DCBLD2: variants seen among roughly 807,000 people sequenced by gnomAD.
DCBLD2 encodes the protein discoidin, CUB and LCCL domain containing 2.
Under a neutral mutation model 86.8 loss-of-function variants are expected in DCBLD2, and 54 were observed. The observed-to-expected ratio is 0.62, with a 90% CI of 0.50 to 0.78. The LOEUF is 0.78. DCBLD2 is among the 30% of genes least tolerant of loss of function. The probability of loss-of-function intolerance (pLI) is 0.00; values close to 1 mark genes in which losing one functional copy is unlikely to be tolerated. For missense variants in DCBLD2, 908 were observed against 954.2 expected, an observed-to-expected ratio of 0.95 and a Z score of 0.64; for synonymous variants, 354 against 341.3, an observed-to-expected ratio of 1.04 and a Z score of -0.41.
At position 98,899,264 on chromosome 3, in the gene DCBLD2, T is replaced by C. The variant is rs1035261479; in HGVS notation, c.205+1858A>G. On this transcript the variant is annotated intron_variant, in intron 1 of 15. Transcript: ENST00000326840. ...TTAGACTGGCTATTTCTTTTTCTTT[T>C]TTTTTTTTTTTTTTTGAGACAGTCT... Among the ~76,000 whole-genome samples, 29 of 146,242 alleles carry C rather than the reference T, an allele frequency of 2.0e-4. 1 individual carries two copies. Among genetic ancestry groups the C allele is most frequent in the African/African-American group, 6.8e-4 (27 of 39,906 alleles).
intron 3 of DCBLD2, among the ~76,000 whole-genome samples, chr3:98,838,129 TGGTCGGGCGGGGG>T (rs1212345081): frequency 7.8e-6 from 1 of 128,064 alleles, no homozygotes. Flanking sequence ...ATGGGGCGGC[TGGTCGGGCGGGGG>T]GCTGACCCCC....
chr3:98,851,555 AC>A (rs1484270058), intron 2 of DCBLD2, among the ~76,000 whole-genome samples: 1 of 152,220 alleles, frequency 6.6e-6, no homozygotes, highest in African/African-American at 2.4e-5. Flanking sequence ...GCTACCATTG[AC>A]TTTCTTCACA....
rs1305178388 is a variant in DCBLD2, at chr3:98,800,589, A to AGCCT, written c.1844_1847dup (p.Asp617GlyfsTer2). The AGCCT allele has an allele frequency of 6.2e-7, 1 of 1,612,918 alleles. No homozygotes were observed. Among genetic ancestry groups the AGCCT allele is most frequent in the Admixed American group, 1.7e-5 (1 of 59,896 alleles). On this transcript the variant is annotated frameshift_variant, in exon 15 of 16. Transcript: ENST00000326840. LOFTEE classifies it high-confidence loss of function. ...CTGCAACATAGTTACCTGCAGAGTC[A>AGCCT]GCCTGCAGCACTGTGGTGACTTCTC...
At chr3:98,862,551 A>C (rs1028827916) in intron 2 of DCBLD2, among the ~76,000 whole-genome samples, 4 of 152,240 alleles carry the variant, frequency 2.6e-5, no homozygotes, top group African/African-American at 4.8e-5. Context: ...TCTGGGATGC[A>C]AGGCTGGTTG....
At chr3:98,865,597 A>T (rs1943128099) in intron 2 of DCBLD2, among the ~76,000 whole-genome samples, 1 of 152,188 alleles carries the variant, frequency 6.6e-6, no homozygotes, top group African/African-American at 2.4e-5. Context: ...AAGTGTTCTC[A>T]CCACAAAAAC....
chr3:98,885,427 T>C (rs1350340698), intron 1 of DCBLD2, among the ~76,000 whole-genome samples: 1 of 152,098 alleles, frequency 6.6e-6, no homozygotes. Flanking sequence ...TTTTTTTTGC[T>C]TATTCCAAAA....
chr3:98,882,984 G>A (rs1183150189), intron 1 of DCBLD2, among the ~76,000 whole-genome samples: 1 of 152,132 alleles, frequency 6.6e-6, no homozygotes, highest in Non-Finnish European at 1.5e-5. Flanking sequence ...CTAGATCCTT[G>A]AGGAATCGCC....
chr3:98,843,870 T>G (rs1022264941), intron 3 of DCBLD2, among the ~76,000 whole-genome samples: 1 of 152,172 alleles, frequency 6.6e-6, no homozygotes, highest in Non-Finnish European at 1.5e-5. Flanking sequence ...TTTTAAACTA[T>G]TTACTATTTC....
chr3:98,864,832 A>G (rs143598332), intron 2 of DCBLD2, among the ~76,000 whole-genome samples: 2 of 152,334 alleles, frequency 1.3e-5, no homozygotes, highest in African/African-American at 4.8e-5. Flanking sequence ...GTGCACACGT[A>G]TCCTAGAACT....
At position 98,799,466 on chromosome 3, in the gene DCBLD2, G is replaced by C. The variant is rs377651609; in HGVS notation, c.2234C>G (p.Pro745Arg). 2.5e-6 allele frequency: 4 copies of C among 1,614,002 alleles called. No homozygotes were observed. Among genetic ancestry groups the C allele is most frequent in the Non-Finnish European group, 3.4e-6 (4 of 1,179,886 alleles). The change falls in exon 16 of 16, where the codon CCA (proline) becomes CGA (arginine). Residue 745 changes from proline to arginine, a missense_variant. Around this residue, in one of 3 missense-constraint regions of DCBLD2, gnomAD observed 606 missense variants for 678.5 expected, o/e 0.89. Transcript: ENST00000326840. ...PKAGKPGLPA[P>R]DELVYQVPQS... is the part of the protein sequence containing the mutation. ...TGGCACCTGGTACACCAATTCGTCT[G>C]GGGCAGGTAGACCTGGCTTCCCAGC...
chr3:98,900,844 A>C, intron 1 of DCBLD2: 1 of 502,804 alleles, frequency 2.0e-6, no homozygotes, highest in Non-Finnish European at 3.5e-6. Flanking sequence ...AATTTTCCCC[A>C]GAAGGACCTA....
chr3:98,891,932 T>C (rs1943669120), intron 1 of DCBLD2, among the ~76,000 whole-genome samples: 2 of 73,696 alleles, frequency 2.7e-5, no homozygotes, highest in African/African-American at 6.7e-5. Context: ...TGCATATTTA[T>C]GTCAGGTTAC....
At chr3:98,889,541 A>G (rs114054772) in intron 1 of DCBLD2, among the ~76,000 whole-genome samples, 2,083 of 152,192 alleles carry the variant, frequency 0.014, 17 homozygotes, top group South Asian at 0.027. Context: ...TGCTGATTAA[A>G]GGTTGCAGTC....
At chr3:98,894,473 G>A (rs373580085) in intron 1 of DCBLD2, among the ~76,000 whole-genome samples, 16 of 152,258 alleles carry the variant, frequency 1.1e-4, no homozygotes, top group Non-Finnish European at 2.2e-4. Flanking sequence ...AGGCTGTCAC[G>A]GTTGTTAAGG....
intron 1 of DCBLD2, among the ~76,000 whole-genome samples, chr3:98,882,146 A>C (rs1182071102): frequency 6.6e-6 from 1 of 152,198 alleles, no homozygotes; most frequent in Non-Finnish European, 1.5e-5. Context: ...TAGTATATCT[A>C]TTCACAGGAG....
chr3:98,896,134 C>T (rs911589766), intron 1 of DCBLD2, among the ~76,000 whole-genome samples: 9 of 152,238 alleles, frequency 5.9e-5, no homozygotes, highest in African/African-American at 1.9e-4. Context: ...ACACACCCAT[C>T]AGGGTGCACG....
intron 3 of DCBLD2, among the ~76,000 whole-genome samples, chr3:98,840,332 A>C (rs1486567166): frequency 2.0e-5 from 3 of 152,180 alleles, no homozygotes; most frequent in African/African-American, 7.2e-5. Context: ...AAAAGAGAGG[A>C]GTCAAAGATA....
intron 2 of DCBLD2, among the ~76,000 whole-genome samples, chr3:98,853,171 T>C (rs907738795): frequency 2.6e-5 from 4 of 152,236 alleles, no homozygotes; most frequent in African/African-American, 7.2e-5. Flanking sequence ...GAAGTTAGAA[T>C]TGATGGCTCA....
chr3:98,835,921 TCTTCCTTC>T (rs1330711267), intron 3 of DCBLD2, among the ~76,000 whole-genome samples: 5 of 84,576 alleles, frequency 5.9e-5, no homozygotes, highest in East Asian at 7.2e-4. Flanking sequence ...TTTCTTTCTT[TCTTCCTTC>T]CTTTCTTTCT....
Sources: allele counts gnomAD v4.1 joint callset (sites outside exome capture counted in the v4.1 genomes callset), GRCh38; gene constraint gnomAD v4.1.1; regional missense constraint gnomAD v4.1.1; transcripts MANE v1.5; gene names NCBI Gene and HGNC (gene_info 2026-07-23, HGNC 2026-07-21).